The following USP46 variants were observed in gnomAD, a reference collection of about 807,000 sequenced individuals.
USP46 encodes the protein ubiquitin specific peptidase 46.
Under a neutral mutation model 44.4 loss-of-function variants are expected in USP46, and 12 were observed. The ratio of observed to expected loss-of-function variants is 0.27; its 90% CI spans 0.17 to 0.44. USP46 has a LOEUF of 0.44. Ranked by LOEUF, USP46 falls within the 20% of genes least tolerant of loss-of-function variation. The probability of loss-of-function intolerance (pLI) is 1.00; values close to 1 mark genes in which losing one functional copy is unlikely to be tolerated. For missense variants in USP46, 248 were observed against 444.8 expected (o/e 0.56, Z 3.98); for synonymous variants, 155 against 161.5 (o/e 0.96, Z 0.31).
intron 1 of USP46, among the ~76,000 whole-genome samples, chr4:52,632,670 A>G (rs1406770969): frequency 1.3e-5 from 2 of 151,258 alleles, no homozygotes; most frequent in Non-Finnish European, 2.9e-5. Context: ...AAAAATATAA[A>G]ACTTAGCAGG....
intron 4 of USP46, among the ~76,000 whole-genome samples, chr4:52,625,775 T>C (rs1717558199): frequency 6.6e-6 from 1 of 152,196 alleles, no homozygotes; most frequent in Admixed American, 6.5e-5. Context: ...AATTTCCCCA[T>C]GGTGTAAAGC....
At chr4:52,657,725 T>TCCA (rs1284448592) in intron 1 of USP46, among the ~76,000 whole-genome samples, 1 of 152,118 alleles carries the variant, frequency 6.6e-6, no homozygotes, top group African/African-American at 2.4e-5. Flanking sequence ...GGCTCTAGGA[T>TCCA]CCACTCCCCG....
rs891071377 is a variant in USP46, at chr4:52,656,592, T to C, written c.36+2523A>G. ...AAACACCTGGTAGATGACATAACAATGAGAAAGATGATGTTGACAATGACA... is the reference window on the plus strand; with the variant it reads ...AAACACCTGGTAGATGACATAACAACGAGAAAGATGATGTTGACAATGACA... On this transcript the variant is annotated intron_variant, in intron 1 of 8. Coordinates refer to ENST00000441222, the MANE Select transcript of USP46 (RefSeq NM_022832.4). The C allele has an allele frequency of 5.4e-6, 7 of 1,287,672 alleles. No homozygotes were observed. In the African/African-American group the frequency reaches 9.0e-5, roughly 16 times the overall value. 79.8% of individuals were successfully genotyped at this position (1,287,672 alleles called of 1,614,324 possible).
chr4:52,602,464 G>A (rs182410977), intron 6 of USP46, among the ~76,000 whole-genome samples: 92 of 152,176 alleles, frequency 6.0e-4, no homozygotes, highest in African/African-American at 2.0e-3. Flanking sequence ...AGATGATGCC[G>A]ACTGCTGGAC....
chr4:52,654,490 T>C (rs1718882438), intron 1 of USP46, among the ~76,000 whole-genome samples: 1 of 152,368 alleles, frequency 6.6e-6, no homozygotes, highest in East Asian at 1.9e-4. Context: ...TTCAAAATTG[T>C]AATGTTTACT....
chr4:52,614,601 T>C (rs1462589699), intron 4 of USP46, among the ~76,000 whole-genome samples: 1 of 152,208 alleles, frequency 6.6e-6, no homozygotes, highest in Admixed American at 6.5e-5. Flanking sequence ...AGAGAATTCA[T>C]TGATATAAGA....
intron 1 of USP46, among the ~76,000 whole-genome samples, chr4:52,635,187 CCTCTACTTT>C (rs1718065341): frequency 1.3e-5 from 2 of 151,754 alleles, no homozygotes; most frequent in South Asian, 4.2e-4. Flanking sequence ...AACCTCTAGT[CCTCTACTTT>C]CTCATTCAAC....
chr4:52,637,963 G>A (rs990996043), intron 1 of USP46, among the ~76,000 whole-genome samples: 1 of 151,990 alleles, frequency 6.6e-6, no homozygotes, highest in African/African-American at 2.4e-5. Flanking sequence ...CAGCTTAAAG[G>A]TCAGCTCCCA....
intron 1 of USP46, chr4:52,650,833 TC>T (rs1257526515): frequency 6.6e-6 from 1 of 152,114 alleles, no homozygotes; most frequent in Non-Finnish European, 1.5e-5. Flanking sequence ...GTGCAGTGGC[TC>T]ACGCCTGTAA....
Position 52,601,849 on chromosome 4 carries a change from G to A in USP46, c.920+8C>T. On this transcript the variant is annotated splice_region_variant and intron_variant, in intron 7 of 8. Transcript: ENST00000441222. ...ACCCTGTATACCTGCTTCCAGTCTT[G>A]CCCTTACCTGCCACAGTGAACGACC... is the stretch of plus-strand genomic sequence containing the variant. 1 of 1,611,724 alleles carries A rather than the reference G, an allele frequency of 6.2e-7. No individual in the cohort carries two copies. Among genetic ancestry groups the A allele is most frequent in the Non-Finnish European group, 8.5e-7 (1 of 1,179,166 alleles).
intron 4 of USP46, among the ~76,000 whole-genome samples, chr4:52,619,546 T>C (rs1270739737): frequency 6.6e-6 from 1 of 152,218 alleles, no homozygotes; most frequent in Non-Finnish European, 1.5e-5. Flanking sequence ...AGGGTGTTAC[T>C]CAAAAGAGGC....
chr4:52,635,779 TC>T (rs1362167514), intron 1 of USP46, among the ~76,000 whole-genome samples: 1 of 152,102 alleles, frequency 6.6e-6, no homozygotes, highest in Non-Finnish European at 1.5e-5. Context: ...CACTTCCCCC[TC>T]AGAGCTAAAC....
At chr4:52,637,180 G>T (rs946043368) in intron 1 of USP46, among the ~76,000 whole-genome samples, 1 of 152,092 alleles carries the variant, frequency 6.6e-6, no homozygotes, top group Non-Finnish European at 1.5e-5. Flanking sequence ...CCCCTTCTGG[G>T]CTCTACCCTC....
At chr4:52,622,229 C>T (rs542985900) in intron 4 of USP46, among the ~76,000 whole-genome samples, 17 of 152,156 alleles carry the variant, frequency 1.1e-4, no homozygotes, top group African/African-American at 4.1e-4. Flanking sequence ...TGTTAATGTT[C>T]CATTTTTTTA....
intron 4 of USP46, among the ~76,000 whole-genome samples, chr4:52,624,840 C>A (rs1717514516): frequency 6.6e-6 from 1 of 152,144 alleles, no homozygotes; most frequent in African/African-American, 2.4e-5. Context: ...GAGGACACAG[C>A]CAGAAGACAG....
intron 4 of USP46, among the ~76,000 whole-genome samples, chr4:52,615,418 A>G (rs1259940924): frequency 6.6e-6 from 1 of 152,202 alleles, no homozygotes; most frequent in East Asian, 1.9e-4. Context: ...TAAAGTTATT[A>G]AGAGAAATAA....
intron 1 of USP46, among the ~76,000 whole-genome samples, chr4:52,640,549 C>G (rs1001323063): frequency 1.3e-5 from 2 of 151,892 alleles, no homozygotes; most frequent in Non-Finnish European, 2.9e-5. Flanking sequence ...GGCTGTAATC[C>G]TAGCAGTTTG....
chr4:52,650,051 AGCAAAGCTGCAGATGGGC>A (rs1028861154), intron 1 of USP46, among the ~76,000 whole-genome samples: 3 of 152,238 alleles, frequency 2.0e-5, no homozygotes, highest in African/African-American at 7.2e-5. Context: ...TGACACACCT[AGCAAAGCTGCAGATGGGC>A]GCATCCTAAA....
intron 6 of USP46, among the ~76,000 whole-genome samples, chr4:52,602,442 A>T (rs544678174): frequency 7.7e-4 from 118 of 152,334 alleles, no homozygotes; most frequent in Non-Finnish European, 1.0e-3. Context: ...GAAGCTGGGA[A>T]GAGGACAAGG....
Sources: allele counts gnomAD v4.1 joint callset (sites outside exome capture counted in the v4.1 genomes callset), GRCh38; gene constraint gnomAD v4.1.1; transcripts MANE v1.5; gene names NCBI Gene and HGNC (gene_info 2026-07-23, HGNC 2026-07-21).